The following PCDHA12 variants were observed in gnomAD, a reference collection of about 807,000 sequenced individuals.
PCDHA12 encodes protocadherin alpha-12.
PCDHA12 carries 44 observed loss-of-function variants against 60.0 expected under a neutral mutation model. That is an observed-to-expected ratio of 0.73 (90% CI 0.58 to 0.94). The LOEUF (loss-of-function observed/expected upper bound fraction) is 0.94, where lower values mean the gene tolerates loss of function less well. Among genes scored for constraint, PCDHA12 ranks in the 40% least tolerant of loss-of-function variants. The probability of loss-of-function intolerance (pLI) is 0.00; values close to 1 mark genes in which losing one functional copy is unlikely to be tolerated. For synonymous variants in PCDHA12, 569 were observed against 553.0 expected, an observed-to-expected ratio of 1.03 and a Z score of -0.40; for missense variants, 1,276 against 1,239.7, an observed-to-expected ratio of 1.03 and a Z score of -0.44.
At chr5:140,970,316 A>G (rs547261671) in intron 1 of PCDHA12, among the ~76,000 whole-genome samples, 1 of 152,342 alleles carries the variant, frequency 6.6e-6, no homozygotes, top group African/African-American at 2.4e-5. Flanking sequence ...GTTAAATGAC[A>G]GTACTTCCAA....
rs782243460 is a variant in PCDHA12, at chr5:140,876,309, TG to T, written c.840del (p.Ile281SerfsTer3). 8 of 1,613,946 alleles carry T rather than the reference TG, an allele frequency of 5.0e-6. No individual in the cohort carries two copies. The highest frequency in any genetic ancestry group is 6.8e-6 in the Non-Finnish European group (8 of 1,179,906). ...DEGLNGEISY[G>X]IKMILPVSEK... The stretch of plus-strand genomic sequence containing the variant: ...AAGGACTTAATGGAGAAATTTCCTA[TG>T]GGATCAAAATGATTTTGCCAGTGAG... On this transcript the variant is annotated frameshift_variant, in exon 1 of 4. Transcript: ENST00000398631. LOFTEE classifies it high-confidence loss of function.
intron 1 of PCDHA12, chr5:140,881,365 T>A (rs1216010175): frequency 1.0e-6 from 1 of 985,144 alleles, no homozygotes; most frequent in Non-Finnish European, 1.2e-6. Flanking sequence ...GGCTTTCGTA[T>A]GAATTGCAGC....
In PCDHA12 at chr5:140,877,812, A is replaced by AGT. The variant is rs1199623134; in HGVS notation, c.2341_2342insTG (p.Glu781ValfsTer5). The AGT allele has an allele frequency of 6.2e-7, 1 of 1,610,228 alleles. No individual in the cohort carries two copies. The highest frequency in any genetic ancestry group is 2.2e-5 in the East Asian group (1 of 44,854). ...TCAGCCCAAGCCTTCAGCTGTCTCGAGAAGATTGTTTAAATCCTCCCAGTG... is the reference window on the plus strand; with the variant it reads ...TCAGCCCAAGCCTTCAGCTGTCTCGAGTGAAGATTGTTTAAATCCTCCCAGTG... On this transcript the variant is annotated frameshift_variant, in exon 1 of 4. Coordinates refer to ENST00000398631, the MANE Select transcript of PCDHA12 (RefSeq NM_018903.4). LOFTEE classifies it high-confidence loss of function.
intron 1 of PCDHA12, chr5:140,883,678 G>C: frequency 1.2e-6 from 2 of 1,613,902 alleles, no homozygotes; most frequent in Non-Finnish European, 1.7e-6. Context: ...ACAATCCGCC[G>C]GGCTGCCACA....
At chr5:140,960,177 G>C (rs2095530246) in intron 1 of PCDHA12, among the ~76,000 whole-genome samples, 1 of 152,052 alleles carries the variant, frequency 6.6e-6, no homozygotes, top group Non-Finnish European at 1.5e-5. Flanking sequence ...CTTAAGTTAG[G>C]GGTTGCATGT....
intron 3 of PCDHA12, among the ~76,000 whole-genome samples, chr5:140,986,316 C>T (rs1407067646): frequency 2.0e-5 from 3 of 152,146 alleles, no homozygotes; most frequent in African/African-American, 7.2e-5. Context: ...TTAGCTAAAT[C>T]AGGAATGCAG....
intron 1 of PCDHA12, among the ~76,000 whole-genome samples, chr5:140,955,418 G>A: frequency 6.6e-6 from 1 of 152,140 alleles, no homozygotes; most frequent in Non-Finnish European, 1.5e-5. Flanking sequence ...ATGATAGTGA[G>A]TGAGTTCTCA....
chr5:140,883,691 T>C (rs2059755439), intron 1 of PCDHA12: 2 of 1,613,592 alleles, frequency 1.2e-6, no homozygotes, highest in African/African-American at 2.7e-5. Flanking sequence ...CTGCCACATC[T>C]TCACGGTGTC....
chr5:140,971,184 A>C (rs1431296656), intron 1 of PCDHA12, among the ~76,000 whole-genome samples: 1 of 152,188 alleles, frequency 6.6e-6, no homozygotes, highest in African/African-American at 2.4e-5. Context: ...TGTAAGCCGG[A>C]AGCTCAGAGG....
intron 1 of PCDHA12, chr5:140,928,814 A>T (rs782622875): frequency 5.6e-6 from 9 of 1,614,150 alleles, no homozygotes; most frequent in Non-Finnish European, 7.6e-6. Context: ...GTTCGGGACC[A>T]TGGAGACCCA....
At chr5:140,901,161 G>A (rs1554189608) in intron 1 of PCDHA12, among the ~76,000 whole-genome samples, 1 of 152,084 alleles carries the variant, frequency 6.6e-6, no homozygotes, top group African/African-American at 2.4e-5. Flanking sequence ...TCTGTGGGTT[G>A]TCTCTTCACT....
At chr5:140,913,414 C>T (rs1451385869) in intron 1 of PCDHA12, among the ~76,000 whole-genome samples, 3 of 152,102 alleles carry the variant, frequency 2.0e-5, no homozygotes, top group African/African-American at 7.2e-5. Context: ...TGAATTCCTG[C>T]AGTATCAGTT....
In PCDHA12 at chr5:140,937,565, T is replaced by C. The variant is rs528061401; in HGVS notation, c.2368-41384T>C. ...CTGCGAGGCAGAGGTTGCAGTGAGC[T>C]GGGATCGCGTCACTGCACTCTAGCC... On this transcript the variant is annotated intron_variant, in intron 1 of 3. Transcript: ENST00000398631. Among the ~76,000 whole-genome samples the C allele has an allele frequency of 1.9e-3, 290 of 151,276 alleles. 1 individual carries two copies. The highest frequency in any genetic ancestry group is 6.8e-3 in the African/African-American group (279 of 40,958).
intron 1 of PCDHA12, among the ~76,000 whole-genome samples, chr5:140,880,576 A>G (rs1274181037): frequency 6.6e-6 from 1 of 152,216 alleles, no homozygotes; most frequent in African/African-American, 2.4e-5. Flanking sequence ...ATTTGAGAAG[A>G]GAGGAAAGAG....
At chr5:140,974,721 G>T (rs1033117636) in intron 1 of PCDHA12, among the ~76,000 whole-genome samples, 1 of 152,050 alleles carries the variant, frequency 6.6e-6, no homozygotes, top group Non-Finnish European at 1.5e-5. Context: ...AGCTGCTCTC[G>T]AACTCCTGTC....
At chr5:140,882,225 C>T (rs782533520) in intron 1 of PCDHA12, 9 of 1,559,344 alleles carry the variant, frequency 5.8e-6, no homozygotes, top group Middle Eastern at 1.7e-4. Flanking sequence ...TGAGGTAAGG[C>T]GTTGTATATA....
chr5:140,954,016 A>G (rs246027), intron 1 of PCDHA12, among the ~76,000 whole-genome samples: 85,628 of 151,968 alleles, frequency 0.56, 24,747 homozygotes, highest in African/African-American at 0.69. Context: ...GCTCCCACAC[A>G]TAGTGGGACG....
intron 1 of PCDHA12, among the ~76,000 whole-genome samples, chr5:140,886,264 A>G (rs1471846282): frequency 6.6e-6 from 1 of 151,982 alleles, no homozygotes; most frequent in Non-Finnish European, 1.5e-5. Context: ...CTATTTATAG[A>G]TAAAATTTTT....
Position 141,011,543 on chromosome 5 carries a change from G to T in PCDHA12, c.*1606G>T, listed in dbSNP as rs1478395558. The stretch of plus-strand genomic sequence containing the variant: ...TTTTAACCATTGTTAATCAGCTTTT[G>T]TGTATGAAAGACACAGTAAAATTTC... On this transcript the variant is annotated 3_prime_UTR_variant, in exon 4 of 4. Coordinates refer to ENST00000398631, the MANE Select transcript of PCDHA12 (RefSeq NM_018903.4). 1.3e-5 allele frequency: 2 copies of T among 153,468 alleles called. No individual in the cohort carries two copies. Among genetic ancestry groups the T allele is most frequent in the African/African-American group, 4.8e-5 (2 of 41,376 alleles). The allele number at this position is 153,468 out of a possible 1,614,324, so 9.5% of individuals were successfully genotyped here. A position where few individuals can be genotyped will look rare whatever the true frequency, so the allele number is the denominator to read the frequency against.
Sources: allele counts gnomAD v4.1 joint callset (sites outside exome capture counted in the v4.1 genomes callset), GRCh38; gene constraint gnomAD v4.1.1; transcripts MANE v1.5; gene names NCBI Gene and HGNC (gene_info 2026-07-23, HGNC 2026-07-21).